Variants in NGEF observed in about 807,000 individuals in gnomAD.
NGEF encodes neuronal guanine nucleotide exchange factor, also known as ephexin-1.
In NGEF, 31 loss-of-function variants were observed where a neutral mutation model predicts 80.9. The observed-to-expected ratio is 0.38, with a 90% confidence interval of 0.29 to 0.52. NGEF has a LOEUF of 0.52. NGEF is among the 20% of genes least tolerant of loss of function. The pLI is 0.84. For missense variants in NGEF, 709 were observed against 926.2 expected, an observed-to-expected ratio of 0.77 and a Z score of 3.04; for synonymous variants, 371 against 370.2, an observed-to-expected ratio of 1.00 and a Z score of -0.03.
chr2:232,961,323 A>T (rs971580234), intron 3 of NGEF, among the ~76,000 whole-genome samples: 3 of 152,028 alleles, frequency 2.0e-5, no homozygotes, highest in Admixed American at 6.6e-5. Context: ...TAACTACACT[A>T]TATATGTTTG....
At chr2:232,898,830 G>A (rs1206502107) in intron 5 of NGEF, among the ~76,000 whole-genome samples, 1 of 152,230 alleles carries the variant, frequency 6.6e-6, no homozygotes, top group East Asian at 1.9e-4. Flanking sequence ...GAGGGCGAGT[G>A]GGAATGAGTG....
chr2:232,998,705 T>C (rs1313918920), intron 1 of NGEF, among the ~76,000 whole-genome samples: 2 of 152,076 alleles, frequency 1.3e-5, no homozygotes, highest in African/African-American at 4.8e-5. Context: ...GATGGGTGGG[T>C]GTCTCCTGTT....
At chr2:232,893,915 T>G (rs1691971901) in intron 6 of NGEF, among the ~76,000 whole-genome samples, 1 of 151,530 alleles carries the variant, frequency 6.6e-6, no homozygotes, top group East Asian at 1.9e-4. Context: ...GAAGTGAGAG[T>G]GTCAGTGTGG....
Position 233,012,874 on chromosome 2 carries a change from G to A in NGEF, c.-75+194C>T, listed in dbSNP as rs999711. On this transcript the variant is annotated intron_variant, in intron 1 of 14. Coordinates refer to ENST00000264051, the MANE Select transcript of NGEF (RefSeq NM_019850.3). ...CAGATGGTGAAACTGAGTGCCAGGA[G>A]GGGCAGTGCTGAAGCCGAGACCAGA... 2,727 of 471,090 alleles carry A rather than the reference G, an allele frequency of 5.8e-3. 67 individuals are homozygous for A. Among genetic ancestry groups the A allele is most frequent in the African/African-American group, 0.048 (2,397 of 50,112 alleles). The allele number at this position is 471,090 out of a possible 1,614,324, so 29.2% of individuals were successfully genotyped here.
chr2:232,940,012 A>T (rs1574624945), intron 3 of NGEF, among the ~76,000 whole-genome samples: 1 of 146,782 alleles, frequency 6.8e-6, no homozygotes, highest in Admixed American at 6.8e-5. Context: ...AAAAAAAAAA[A>T]TTTGAGGTCT....
At chr2:232,936,622 G>A (rs911319884) in intron 3 of NGEF, among the ~76,000 whole-genome samples, 2 of 152,190 alleles carry the variant, frequency 1.3e-5, no homozygotes, top group African/African-American at 4.8e-5. Context: ...GGGCATCTCT[G>A]GTTGATGGTG....
intron 5 of NGEF, among the ~76,000 whole-genome samples, chr2:232,906,688 C>T (rs1347307402): frequency 7.3e-6 from 1 of 136,282 alleles, no homozygotes. Flanking sequence ...GTGTACCCAA[C>T]AGCTCATTGA....
intron 4 of NGEF, among the ~76,000 whole-genome samples, chr2:232,923,984 C>T (rs1056870560): frequency 6.6e-6 from 1 of 152,086 alleles, no homozygotes; most frequent in Non-Finnish European, 1.5e-5. Flanking sequence ...TGCCTGTAAT[C>T]CCAGCACTTT....
At chr2:232,950,560 A>G (rs907586094) in intron 3 of NGEF, among the ~76,000 whole-genome samples, 6 of 150,866 alleles carry the variant, frequency 4.0e-5, no homozygotes, top group African/African-American at 1.5e-4. Context: ...GGAGCCTCCC[A>G]GGGCCTTTGG....
intron 3 of NGEF, among the ~76,000 whole-genome samples, chr2:232,936,419 G>A (rs1439685925): frequency 6.6e-6 from 1 of 152,216 alleles, no homozygotes; most frequent in Non-Finnish European, 1.5e-5. Flanking sequence ...TAAGCTGTTG[G>A]AATGTGGTGT....
chr2:232,892,541 G>A lies in NGEF; in HGVS notation c.1142+357C>T, dbSNP rs994042374. ...TGCCCTTGTCGCTAGTTCAAGCCCC[G>A]TCTCTGATGTCCTGGGCTTTGAATT... On this transcript the variant is annotated intron_variant, in intron 7 of 14. Coordinates refer to ENST00000264051, the MANE Select transcript of NGEF (RefSeq NM_019850.3). The surrounding 1 kb of genome is among the most constrained non-coding windows in gnomAD (Gnocchi z 4.0). Among the ~76,000 whole-genome samples the A allele has an allele frequency of 2.0e-5, 3 of 152,152 alleles. No homozygotes were observed. The highest frequency in any genetic ancestry group is 4.8e-5 in the African/African-American group (2 of 41,420).
intron 5 of NGEF, among the ~76,000 whole-genome samples, chr2:232,906,020 T>G (rs1304378945): frequency 2.5e-5 from 2 of 81,254 alleles, no homozygotes; most frequent in African/African-American, 4.9e-5. Context: ...GGGAGGGAGG[T>G]GGGGGGGTCA....
chr2:232,928,616 C>T (rs1029709161), intron 3 of NGEF, among the ~76,000 whole-genome samples: 11 of 152,142 alleles, frequency 7.2e-5, no homozygotes, highest in African/African-American at 2.7e-4. Context: ...TGTCTCTGCT[C>T]CAGGCGGAGA....
In NGEF at chr2:232,927,144, C is replaced by T; in HGVS notation, c.426G>A (p.Glu142=). The T allele has an allele frequency of 6.2e-7, 1 of 1,610,090 alleles. No individual in the cohort carries two copies. Among genetic ancestry groups the T allele is most frequent in the Non-Finnish European group, 8.5e-7 (1 of 1,178,528 alleles). ...TGGGGCTGTCGGCCAGGGCCGGCCACTCCTCGGGCGTGGCCCCATTTCCCG... is the reference window on the plus strand; with the variant it reads ...TGGGGCTGTCGGCCAGGGCCGGCCATTCCTCGGGCGTGGCCCCATTTCCCG... ...STPGNGATPE[E]WPALADSPTT... The change falls in exon 4 of 15, where the codon GAG becomes GAA. Residue 142 remains glutamate, a synonymous_variant. Coordinates refer to ENST00000264051, the MANE Select transcript of NGEF (RefSeq NM_019850.3).
intron 5 of NGEF, among the ~76,000 whole-genome samples, chr2:232,915,017 C>CAA (rs11374459): frequency 6.3e-4 from 61 of 97,140 alleles, no homozygotes; most frequent in Middle Eastern, 6.3e-3. Context: ...ACTCCATCTC[C>CAA]AAAAAAAAAA....
At chr2:232,936,069 A>G (rs1366784830) in intron 3 of NGEF, among the ~76,000 whole-genome samples, 2 of 152,212 alleles carry the variant, frequency 1.3e-5, no homozygotes, top group African/African-American at 2.4e-5. Context: ...CTAGGGGGAA[A>G]GTGAGGAAAA....
chr2:232,924,702 CT>C (rs1693022828), intron 4 of NGEF, among the ~76,000 whole-genome samples: 1 of 152,230 alleles, frequency 6.6e-6, no homozygotes, highest in Non-Finnish European at 1.5e-5. Context: ...TGAACCAACT[CT>C]GGAACTTCCT....
chr2:232,992,378 T>C (rs551622815), intron 1 of NGEF, among the ~76,000 whole-genome samples: 1 of 151,564 alleles, frequency 6.6e-6, no homozygotes, highest in Admixed American at 6.6e-5. Context: ...GTCGACATGG[T>C]GAAACGCCGT....
intron 1 of NGEF, among the ~76,000 whole-genome samples, chr2:232,982,534 A>G (rs1048703791): frequency 5.9e-5 from 9 of 151,554 alleles, no homozygotes; most frequent in Non-Finnish European, 1.0e-4. Context: ...TTTTTTTGAG[A>G]CAGAATTTTG....
Sources: gnomAD v4.1 joint callset for allele counts (sites outside exome capture counted in the v4.1 genomes callset) on GRCh38, gnomAD v4.1.1 for gene constraint, Gnocchi (gnomAD v3.1) non-coding constraint, MANE v1.5 for transcripts, NCBI Gene and HGNC (gene_info 2026-07-23, HGNC 2026-07-21) for gene names.